The following POTEC variants were observed in gnomAD, a reference collection of about 807,000 sequenced individuals.
POTEC encodes the protein ANKRD26-like family B member 2.
Under a neutral mutation model 62.0 loss-of-function variants are expected in POTEC, and 35 were observed. The observed-to-expected ratio is 0.56, with a 90% CI of 0.43 to 0.75. The LOEUF is 0.75. POTEC is among the 30% of genes least tolerant of loss of function. The probability of loss-of-function intolerance (pLI) is 0.00; values close to 1 mark genes in which losing one functional copy is unlikely to be tolerated. For synonymous variants in POTEC, 156 were observed against 221.5 expected (o/e 0.70, Z 2.62); for missense variants, 472 against 655.9 (o/e 0.72, Z 3.06).
chr18:14,538,770 G>T (rs1365862819), intron 1 of POTEC, among the ~76,000 whole-genome samples: 1 of 152,092 alleles, frequency 6.6e-6, no homozygotes, highest in Non-Finnish European at 1.5e-5. Context: ...TACAGGTAGC[G>T]CTGTACTGTA....
rs947408952 is a variant in POTEC, at chr18:14,507,531, C to T, written c.*4367G>A. The T allele has an allele frequency of 3.3e-5, 5 of 151,278 alleles. No homozygotes were observed. The highest frequency in any genetic ancestry group is 2.0e-4 in the Admixed American group (3 of 15,240). The allele number at this position is 151,278 out of a possible 1,614,324, so 9.4% of individuals were successfully genotyped here. A position where few individuals can be genotyped will look rare whatever the true frequency, so the allele number is the denominator to read the frequency against. ...CTCCAATGGGTCTTGGTTCTTTATC[C>T]AGCTTGCCCCCTGTGTCTTTCAATT... is the stretch of plus-strand genomic sequence containing the variant. On this transcript the variant is annotated 3_prime_UTR_variant, in exon 11 of 11. Coordinates refer to ENST00000358970, the MANE Select transcript of POTEC (RefSeq NM_001137671.2).
chr18:14,522,069 T>C (rs1168393934), intron 9 of POTEC, among the ~76,000 whole-genome samples, 185 bp downstream of exon 9: 1 of 151,678 alleles, frequency 6.6e-6, no homozygotes, highest in East Asian at 1.9e-4. Context: ...TGGTTATTTT[T>C]CAAATAAATT....
rs763087219 is a variant in POTEC, at chr18:14,512,010, A to C, written c.1534-17T>G. The C allele has an allele frequency of 6.3e-7, 1 of 1,584,618 alleles. No homozygotes were observed. The highest frequency in any genetic ancestry group is 8.6e-7 in the Non-Finnish European group (1 of 1,158,950). ...AAGAGAAAGCTAAGTAAACAAAGGG[A>C]ACTTTTAGTTAGCACTCAATAGAAT... On this transcript the variant is annotated splice_polypyrimidine_tract_variant and intron_variant, in intron 10 of 10. Coordinates refer to ENST00000358970, the MANE Select transcript of POTEC (RefSeq NM_001137671.2).
rs867982764 is a variant in POTEC at position 14,520,623 on chromosome 18, T to C, written c.1409+1631A>G. ...ATATGGTGAGGTGAATACTGAAATA[T>C]ATCCTTTTCTCAAAGGAAAGATAAT... On this transcript the variant is annotated intron_variant, in intron 9 of 10. Coordinates refer to ENST00000358970, the MANE Select transcript of POTEC (RefSeq NM_001137671.2). 4.1e-3 allele frequency among the ~76,000 whole-genome samples: 622 copies of C among 151,908 alleles called. 4 individuals are homozygous for C. The highest frequency in any genetic ancestry group is 0.02 in the Middle Eastern group (6 of 294).
intron 9 of POTEC, among the ~76,000 whole-genome samples, chr18:14,521,747 A>G (rs1485216846): frequency 1.3e-5 from 2 of 152,186 alleles, no homozygotes; most frequent in Non-Finnish European, 2.9e-5. Context: ...AAACTAATGC[A>G]GGAACAGAAA....
rs7505568 is a variant in POTEC, at chr18:14,537,950, A to G, written c.661T>C (p.Cys221Arg). The G allele has an allele frequency of 0.17, 271,010 of 1,610,938 alleles. 25,817 individuals are homozygous for G. Among genetic ancestry groups the G allele is most frequent in the East Asian group, 0.43 (19,441 of 44,756 alleles). The part of the protein sequence containing the change: ...IKAVQCQEDE[C>R]VLMLLEHGAD... ...CCATGTTCCAGCAACATTAACACAC[A>G]TTCATCTTCCTGGCATTGTACGGCC... Residue 221 changes from cysteine (C) to arginine (R), a missense_variant, in exon 3 of 11, where the codon TGT (cysteine) becomes CGT (arginine). By Grantham distance (180) the Cys-to-Arg change is radical. This residue lies in a region of POTEC where 13 missense variants were observed against 38.4 expected (regional missense o/e 0.34). Coordinates refer to ENST00000358970, the MANE Select transcript of POTEC (RefSeq NM_001137671.2).
At chr18:14,526,928 C>T (rs1333680369) in intron 6 of POTEC, among the ~76,000 whole-genome samples, 2 of 152,044 alleles carry the variant, frequency 1.3e-5, no homozygotes, top group African/African-American at 2.4e-5. Context: ...GTGGACACAG[C>T]TGAGATGATA....
chr18:14,516,828 C>T (rs1029064398), intron 9 of POTEC, among the ~76,000 whole-genome samples: 1 of 151,682 alleles, frequency 6.6e-6, no homozygotes, highest in African/African-American at 2.4e-5. Context: ...CTGAATTTGC[C>T]AGCAGCAAAC....
chr18:14,512,939 A>G (rs1194952749), intron 10 of POTEC, among the ~76,000 whole-genome samples: 1 of 152,188 alleles, frequency 6.6e-6, no homozygotes, highest in Non-Finnish European at 1.5e-5. Context: ...GGTAAATAAG[A>G]TATAACTTAC....
chr18:14,522,526 T>A, intron 8 of POTEC, 106 bp from the exon 9 acceptor site: 1 of 1,523,038 alleles, frequency 6.6e-7, no homozygotes, highest in Non-Finnish European at 8.8e-7. Flanking sequence ...TTTTAGTCAT[T>A]AAAAATATCT....
At chr18:14,542,353 G>A (rs868841636) in intron 1 of POTEC, among the ~76,000 whole-genome samples, 8 of 152,258 alleles carry the variant, frequency 5.3e-5, no homozygotes, top group African/African-American at 1.4e-4. Flanking sequence ...AAAATAATCT[G>A]CTGCATTGAC....
chr18:14,516,308 A>ATTTCTTT (rs1910153088), intron 9 of POTEC, among the ~76,000 whole-genome samples: 1 of 57,472 alleles, frequency 1.7e-5, no homozygotes, highest in Non-Finnish European at 3.2e-5. Context: ...TTATATATAT[A>ATTTCTTT]TATATATATA....
intron 9 of POTEC, among the ~76,000 whole-genome samples, chr18:14,517,065 T>G (rs535452946): frequency 6.0e-5 from 9 of 149,148 alleles, no homozygotes; most frequent in African/African-American, 2.0e-4. Flanking sequence ...TTTTAAGGAA[T>G]AAATTATACA....
At chr18:14,524,527 G>A (rs193230619) in intron 7 of POTEC, among the ~76,000 whole-genome samples, 2 of 152,176 alleles carry the variant, frequency 1.3e-5, no homozygotes, top group African/African-American at 4.8e-5. Flanking sequence ...ATGTTAGGGT[G>A]TTGTAAAAAT....
chr18:14,512,295 T>G (rs934744573), intron 10 of POTEC, among the ~76,000 whole-genome samples: 1 of 152,232 alleles, frequency 6.6e-6, no homozygotes, highest in Non-Finnish European at 1.5e-5. Context: ...ATTAATACAT[T>G]TGGCTACATT....
chr18:14,531,421 ACT>A (rs1905512957), intron 5 of POTEC, among the ~76,000 whole-genome samples: 1 of 151,808 alleles, frequency 6.6e-6, no homozygotes, highest in African/African-American at 2.4e-5. Flanking sequence ...GGAGACCAAA[ACT>A]CTACTTTTAT....
chr18:14,517,742 A>C (rs1910203902), intron 9 of POTEC, among the ~76,000 whole-genome samples: 1 of 152,146 alleles, frequency 6.6e-6, no homozygotes, highest in Non-Finnish European at 1.5e-5. Context: ...TGCCCCCGTA[A>C]TCCCAGCTCC....
chr18:14,543,393 C>G lies in POTEC; in HGVS notation c.-247G>C, dbSNP rs564612058. 3.9e-5 allele frequency: 25 copies of G among 646,766 alleles called. 1 individual carries two copies. Among genetic ancestry groups the G allele is most frequent in the South Asian group, 2.6e-4 (13 of 49,348 alleles). 40.1% of individuals were successfully genotyped at this position (646,766 alleles called of 1,614,324 possible). A position where few individuals can be genotyped will look rare whatever the true frequency, so the allele number is the denominator to read the frequency against. On this transcript the variant is annotated 5_prime_UTR_variant, in exon 1 of 11. Transcript: ENST00000358970. ...CCACCCCAGGAAAGGCCAAGCCCCC[C>G]CTCCCAAGGAAACACCCAGCCCAGT...
At chr18:14,521,502 C>T (rs1910306367) in intron 9 of POTEC, among the ~76,000 whole-genome samples, 1 of 152,052 alleles carries the variant, frequency 6.6e-6, no homozygotes, top group South Asian at 2.1e-4. Context: ...AAGGATCCAT[C>T]TTTTTATATA....
Sources: gnomAD v4.1 joint callset for allele counts (sites outside exome capture counted in the v4.1 genomes callset) on GRCh38, gnomAD v4.1.1 for gene constraint, gnomAD v4.1.1 regional missense constraint, MANE v1.5 for transcripts, NCBI Gene and HGNC (gene_info 2026-07-23, HGNC 2026-07-21) for gene names.